Variants in HAPLN3 observed in about 807,000 individuals in gnomAD.
The protein encoded by HAPLN3 is extracellular link domain containing, 1.
HAPLN3 carries 28 observed loss-of-function variants against 28.1 expected under a neutral mutation model. The observed-to-expected ratio is 1.00, with a 90% CI of 0.74 to 1.37. The LOEUF (loss-of-function observed/expected upper bound fraction) is 1.37. Among genes scored for constraint, HAPLN3 ranks in the 40% most tolerant of loss-of-function variants. The pLI is 0.00. For synonymous variants in HAPLN3, 211 were observed against 213.1 expected, an observed-to-expected ratio of 0.99 and a Z score of 0.09; for missense variants, 513 against 504.6, an observed-to-expected ratio of 1.02 and a Z score of -0.16.
Position 88,880,960 on chromosome 15 carries a change from A to G in HAPLN3, c.493+397T>C, listed in dbSNP as rs1665769107. The stretch of plus-strand genomic sequence containing the variant: ...CAGTCCCCACCACTCCCATCGTCTC[A>G]CAGTGGGCTGCCTCATTCGCTTGTG... On this transcript the variant is annotated intron_variant, in intron 3 of 4. Coordinates refer to ENST00000359595, the MANE Select transcript of HAPLN3 (RefSeq NM_178232.4). This position sits in a 1 kb window ranked among gnomAD's most constrained non-coding sequence, Gnocchi z 6.0. Among the ~76,000 whole-genome samples the G allele has an allele frequency of 6.6e-6, 1 of 152,114 alleles. No homozygotes were observed. The highest frequency in any genetic ancestry group is 1.5e-5 in the Non-Finnish European group (1 of 68,026).
intron 2 of HAPLN3, among the ~76,000 whole-genome samples, chr15:88,886,863 C>T (rs1404597064): frequency 1.3e-5 from 2 of 152,160 alleles, no homozygotes; most frequent in Non-Finnish European, 2.9e-5. Context: ...CACATCTATT[C>T]GACCCCAGGT....
chr15:88,891,403 T>C (rs926736124), intron 1 of HAPLN3, among the ~76,000 whole-genome samples: 12 of 151,098 alleles, frequency 7.9e-5, no homozygotes, highest in Non-Finnish European at 1.6e-4. Flanking sequence ...TTCAAATGAA[T>C]CTCCTGCCTC....
At chr15:88,878,593 T>C (rs911608342) in intron 4 of HAPLN3, among the ~76,000 whole-genome samples, 3 of 152,226 alleles carry the variant, frequency 2.0e-5, no homozygotes, top group East Asian at 1.9e-4. Context: ...TTCCAAGGGC[T>C]TGGCATATGA....
chr15:88,884,249 A>C (rs536366140), intron 2 of HAPLN3, among the ~76,000 whole-genome samples: 75 of 152,048 alleles, frequency 4.9e-4, no homozygotes, highest in Non-Finnish European at 9.9e-4. Flanking sequence ...TAAGTTTTTT[A>C]AATTCCGCAA....
At position 88,880,465 on chromosome 15, in the gene HAPLN3, T is replaced by C; in HGVS notation, c.493+892A>G. 8.1e-7 allele frequency: 1 copy of C among 1,231,320 alleles called. No individual in the cohort carries two copies. Among genetic ancestry groups the C allele is most frequent in the Admixed American group, 2.7e-5 (1 of 37,434 alleles). 76.3% of individuals were successfully genotyped at this position (1,231,320 alleles called of 1,614,324 possible). On this transcript the variant is annotated intron_variant, in intron 3 of 4. Transcript: ENST00000359595. The surrounding 1 kb of genome is among the most constrained non-coding windows in gnomAD (Gnocchi z 6.0). ...AGATTGTGATACCCCATTTTACACCTGAGAGGCCCAGGGCTCTAAGGGGGA... is the reference window on the plus strand; with the variant it reads ...AGATTGTGATACCCCATTTTACACCCGAGAGGCCCAGGGCTCTAAGGGGGA...
intron 1 of HAPLN3, among the ~76,000 whole-genome samples, chr15:88,891,912 T>C (rs543144306): frequency 2.6e-5 from 4 of 152,152 alleles, no homozygotes; most frequent in Non-Finnish European, 1.5e-5. Flanking sequence ...ATGTTGAGCT[T>C]GATGTCCTGG....
At chr15:88,890,458 T>A (rs1209097334) in intron 1 of HAPLN3, among the ~76,000 whole-genome samples, 1 of 152,206 alleles carries the variant, frequency 6.6e-6, no homozygotes, top group Admixed American at 6.5e-5. Context: ...ACTGCGAGAT[T>A]CTGGGCAAGT....
intron 2 of HAPLN3, among the ~76,000 whole-genome samples, chr15:88,883,766 A>G (rs574211553): frequency 6.6e-6 from 1 of 152,360 alleles, no homozygotes; most frequent in Non-Finnish European, 1.5e-5. Context: ...TTTGTTGGAG[A>G]AAGTTTTCTA....
At position 88,881,704 on chromosome 15, in the gene HAPLN3, A is replaced by G; in HGVS notation, c.146T>C (p.Leu49Pro). ...GGTCTCCTCGGGTGTCTCCACCACC[A>G]GCTTCACTCCATTAAGGAGGTCTTG... ...HGKDLLNGVK[L>P]VVETPEETLF... Residue 49 changes from leucine to proline, a missense_variant, in exon 3 of 5, where the codon CTG becomes CCG. Leu to Pro is a moderately conservative substitution (Grantham distance 98, BLOSUM62 -3). Transcript: ENST00000359595. The surrounding 1 kb of genome is among the most constrained non-coding windows in gnomAD (Gnocchi z 6.0). 6.2e-7 allele frequency: 1 copy of G among 1,612,812 alleles called. No individual in the cohort carries two copies. Among genetic ancestry groups the G allele is most frequent in the Non-Finnish European group, 8.5e-7 (1 of 1,179,524 alleles).
At position 88,879,282 on chromosome 15, in the gene HAPLN3, G is replaced by A. The variant is rs1489196867; in HGVS notation, c.494-13C>T. 1.2e-6 allele frequency: 2 copies of A among 1,605,296 alleles called. No homozygotes were observed. Among genetic ancestry groups the A allele is most frequent in the Non-Finnish European group, 1.7e-6 (2 of 1,176,564 alleles). ...GGAAAGACCACACCTGCAGGGGAAG[G>A]AAAGAGGAGCTTAGGGGGTGGCCAG... On this transcript the variant is annotated splice_polypyrimidine_tract_variant and intron_variant, in intron 3 of 4. Coordinates refer to ENST00000359595, the MANE Select transcript of HAPLN3 (RefSeq NM_178232.4). This position sits in a 1 kb window ranked among gnomAD's most constrained non-coding sequence, Gnocchi z 5.0.
intron 2 of HAPLN3, among the ~76,000 whole-genome samples, chr15:88,885,852 G>T (rs565418333): frequency 2.6e-5 from 4 of 152,216 alleles, no homozygotes; most frequent in Admixed American, 2.6e-4. Context: ...CTCCCAAAGT[G>T]CTGGGATTAT....
In HAPLN3 at chr15:88,887,170, C is replaced by A; in HGVS notation, c.124+5G>T. On this transcript the variant is annotated splice_donor_5th_base_variant and intron_variant, in intron 2 of 4. Transcript: ENST00000359595. ...GCAAAGAGCCGGGTGCAGGAGGTCGCCTACCTTTGCCATGACCGTTGCCTA... is the reference window on the plus strand; with the variant it reads ...GCAAAGAGCCGGGTGCAGGAGGTCGACTACCTTTGCCATGACCGTTGCCTA... 6.2e-7 allele frequency: 1 copy of A among 1,614,110 alleles called. No individual in the cohort carries two copies. The highest frequency in any genetic ancestry group is 2.2e-5 in the East Asian group (1 of 44,848).
Position 88,892,858 on chromosome 15 carries a change from G to A in HAPLN3, c.-48+2601C>T, listed in dbSNP as rs370045687. 3.1e-4 allele frequency: 357 copies of A among 1,155,356 alleles called. 3 individuals are homozygous for A. In the East Asian group the frequency reaches 4.0e-3, roughly 13 times the overall value. 71.6% of individuals were successfully genotyped at this position (1,155,356 alleles called of 1,614,324 possible). A position where few individuals can be genotyped will look rare whatever the true frequency, so the allele number is the denominator to read the frequency against. Reference sequence around the variant, plus strand: ...GACCATCCCTGACCACTACCACTGAGGGGAGGGATGGGTAGCCTCTGCTCC... The same window carrying A: ...GACCATCCCTGACCACTACCACTGAAGGGAGGGATGGGTAGCCTCTGCTCC... On this transcript the variant is annotated intron_variant, in intron 1 of 4. Transcript: ENST00000359595.
intron 1 of HAPLN3, among the ~76,000 whole-genome samples, chr15:88,891,943 A>T (rs541580409): frequency 6.6e-6 from 1 of 152,128 alleles, no homozygotes; most frequent in South Asian, 2.1e-4. Flanking sequence ...GTCCCTGGGC[A>T]CCTAGAGTCT....
At position 88,880,707 on chromosome 15, in the gene HAPLN3, G is replaced by C; in HGVS notation, c.493+650C>G. 1.6e-6 allele frequency: 1 copy of C among 631,638 alleles called. No individual in the cohort carries two copies. The highest frequency in any genetic ancestry group is 2.3e-5 in the South Asian group (1 of 44,354). 39.1% of individuals were successfully genotyped at this position (631,638 alleles called of 1,614,324 possible). On this transcript the variant is annotated intron_variant, in intron 3 of 4. Transcript: ENST00000359595. This position sits in a 1 kb window ranked among gnomAD's most constrained non-coding sequence, Gnocchi z 6.0. ...GTGTGGCTGGTTTGGACAGCACTGG[G>C]TTTTTGTTTTTGGTTTTGGGGGGGC...
chr15:88,889,354 A>G (rs1293968436), intron 1 of HAPLN3, among the ~76,000 whole-genome samples: 1 of 151,798 alleles, frequency 6.6e-6, no homozygotes. Flanking sequence ...TTTTTTTTTA[A>G]AGATAGAATC....
Position 88,892,925 on chromosome 15 carries a change from C to T in HAPLN3, c.-48+2534G>A, listed in dbSNP as rs1232937761. The T allele has an allele frequency of 3.3e-6, 5 of 1,530,446 alleles. No homozygotes were observed. In the Admixed American group the frequency reaches 9.8e-5, roughly 30 times the overall value. The allele number at this position is 1,530,446 out of a possible 1,614,324, so 94.8% of individuals were successfully genotyped here. A position where few individuals can be genotyped will look rare whatever the true frequency, so the allele number is the denominator to read the frequency against. ...AGCCACCAACTCCTCAGGACCACCACAGAGGTGCCACCAGCTGGAAGGCCC... is the reference window on the plus strand; with the variant it reads ...AGCCACCAACTCCTCAGGACCACCATAGAGGTGCCACCAGCTGGAAGGCCC... On this transcript the variant is annotated intron_variant, in intron 1 of 4. Coordinates refer to ENST00000359595, the MANE Select transcript of HAPLN3 (RefSeq NM_178232.4).
In HAPLN3 at chr15:88,878,160, T is replaced by G. The variant is rs569808741; in HGVS notation, c.893A>C (p.Gln298Pro). 2 of 1,614,184 alleles carry G rather than the reference T, an allele frequency of 1.2e-6. No individual in the cohort carries two copies. Among genetic ancestry groups the G allele is most frequent in the East Asian group, 4.5e-5 (2 of 44,884 alleles). Residue 298 changes from glutamine (Q) to proline (P), a missense_variant, in exon 5 of 5, where the codon CAG becomes CCG. Physicochemically the swap from Gln to Pro is moderately conservative, Grantham distance 76. Transcript: ENST00000359595. ...ATGGAACTTCCAGGCGGCAAAGAGC[T>G]GTCCCACCTTGGCGATCGTGGCATC... The part of the protein sequence containing the change: ...EDDATIAKVG[Q>P]LFAAWKFHGL...
chr15:88,893,144 A>G (rs58786421), intron 1 of HAPLN3: 93,113 of 713,326 alleles, frequency 0.13, 8,019 homozygotes, highest in African/African-American at 0.25. Flanking sequence ...GGCCGGGTGC[A>G]GTGGCTCACA....
Sources: gnomAD v4.1 joint callset for allele counts (sites outside exome capture counted in the v4.1 genomes callset) on GRCh38, gnomAD v4.1.1 for gene constraint, Gnocchi (gnomAD v3.1) non-coding constraint, MANE v1.5 for transcripts, NCBI Gene and HGNC (gene_info 2026-07-23, HGNC 2026-07-21) for gene names.